The following TSPAN14 variants were observed in gnomAD, a reference collection of about 807,000 sequenced individuals.
TSPAN14 encodes tetraspanin-14.
In TSPAN14, 16 loss-of-function variants were observed where a neutral mutation model predicts 36.6. That is an observed-to-expected ratio of 0.44 (90% CI 0.30 to 0.66). TSPAN14 has a LOEUF of 0.66. TSPAN14 is among the 30% of genes least tolerant of loss of function. TSPAN14 has a pLI of 0.12. For synonymous variants in TSPAN14, 139 were observed against 143.8 expected, an observed-to-expected ratio of 0.97 and a Z score of 0.24; for missense variants, 231 against 355.1, an observed-to-expected ratio of 0.65 and a Z score of 2.81.
chr10:80,460,163 A>T (rs900514432), intron 1 of TSPAN14, among the ~76,000 whole-genome samples: 6 of 152,176 alleles, frequency 3.9e-5, no homozygotes, highest in Non-Finnish European at 8.8e-5. Flanking sequence ...CTCCAAATAC[A>T]ACAAAGAAAA....
intron 1 of TSPAN14, among the ~76,000 whole-genome samples, chr10:80,468,225 C>T (rs1017908199): frequency 2.0e-5 from 3 of 152,284 alleles, no homozygotes; most frequent in Admixed American, 6.5e-5. Context: ...GCCTGTTGCC[C>T]GTCTGACTTC....
At chr10:80,457,659 A>G (rs1845792918) in intron 1 of TSPAN14, among the ~76,000 whole-genome samples, 1 of 152,200 alleles carries the variant, frequency 6.6e-6, no homozygotes, top group Non-Finnish European at 1.5e-5. Context: ...GCCTGGGCAC[A>G]TAGCAGGTAC....
At chr10:80,508,240 C>T (rs965295740) in intron 4 of TSPAN14, among the ~76,000 whole-genome samples, 4 of 151,802 alleles carry the variant, frequency 2.6e-5, no homozygotes, top group Admixed American at 1.3e-4. Context: ...CTCAGCCTCC[C>T]GAGTAGCTGG....
At chr10:80,521,767 C>CAAA (rs957265527) in exon 9 of TSPAN14, 3 of 151,902 alleles carry the variant, frequency 2.0e-5, no homozygotes, top group African/African-American at 7.3e-5. Flanking sequence ...ACTAAAAATA[C>CAAA]AAAAAAATTA....
At chr10:80,468,659 G>C (rs566639424) in intron 1 of TSPAN14, 3 of 152,072 alleles carry the variant, frequency 2.0e-5, no homozygotes, top group African/African-American at 7.2e-5. Flanking sequence ...ATCCAGATCA[G>C]CTGAATCAGA....
chr10:80,521,039 C>G (rs1841244109), exon 9 of TSPAN14: 2 of 327,440 alleles, frequency 6.1e-6, no homozygotes. Flanking sequence ...CTGGGTTTCC[C>G]CATGAATAAC....
At chr10:80,465,724 C>G (rs183481730) in intron 1 of TSPAN14, among the ~76,000 whole-genome samples, 1 of 152,210 alleles carries the variant, frequency 6.6e-6, no homozygotes, top group Non-Finnish European at 1.5e-5. Context: ...AAGCCACTCT[C>G]AGGCACAAAG....
chr10:80,495,639 G>A (rs1848160818), intron 2 of TSPAN14, among the ~76,000 whole-genome samples: 1 of 152,192 alleles, frequency 6.6e-6, no homozygotes, highest in African/African-American at 2.4e-5. Context: ...CAAGTCTTAA[G>A]TAGTTTGGTG....
In TSPAN14 at chr10:80,506,605, G is replaced by A. The variant is rs570213922; in HGVS notation, c.133-623G>A. ...CCTATGGAACTGCTCTGCCCATTGT[G>A]TGACTGTGTTTATATTTAAATTGAA... On this transcript the variant is annotated intron_variant, in intron 3 of 8. Coordinates refer to ENST00000429989, the Ensembl canonical transcript of TSPAN14. Among the ~76,000 whole-genome samples, 6 of 152,310 alleles carry A rather than the reference G, an allele frequency of 3.9e-5. No homozygotes were observed. The East Asian group carries it at 9.6e-4, about 24-fold the overall frequency.
chr10:80,468,095 A>G (rs555939435), intron 1 of TSPAN14, among the ~76,000 whole-genome samples: 26 of 152,250 alleles, frequency 1.7e-4, no homozygotes, highest in Middle Eastern at 3.4e-3. Context: ...AGGAGACAAA[A>G]TGTTCTTTTC....
intron 8 of TSPAN14, 108 bp from the exon 9 acceptor site, chr10:80,517,797 G>T (rs765000519): frequency 1.9e-5 from 20 of 1,052,788 alleles, no homozygotes; most frequent in Non-Finnish European, 2.3e-5. Context: ...TCGCAGCTGG[G>T]GGGTGAGGAG....
chr10:80,491,640 C>T (rs987320763), intron 2 of TSPAN14, among the ~76,000 whole-genome samples: 6 of 152,180 alleles, frequency 3.9e-5, no homozygotes, highest in African/African-American at 1.4e-4. Flanking sequence ...CCCAGTAACA[C>T]GTTTGCAGCA....
chr10:80,499,266 A>G (rs1170680024), intron 2 of TSPAN14, among the ~76,000 whole-genome samples: 1 of 152,148 alleles, frequency 6.6e-6, no homozygotes, highest in Non-Finnish European at 1.5e-5. Context: ...TCGTGTGGTA[A>G]GTGGATTTCT....
intron 1 of TSPAN14, among the ~76,000 whole-genome samples, chr10:80,473,337 G>T (rs1206706786): frequency 6.6e-6 from 1 of 152,196 alleles, no homozygotes; most frequent in African/African-American, 2.4e-5. Flanking sequence ...TGGGTTGTGA[G>T]TTTTTGGTGG....
At chr10:80,459,671 G>C (rs1232425929) in intron 1 of TSPAN14, among the ~76,000 whole-genome samples, 1 of 152,194 alleles carries the variant, frequency 6.6e-6, no homozygotes, top group East Asian at 1.9e-4. Context: ...AGTCCCAGCT[G>C]TTGGGCCTGT....
chr10:80,502,055 G>A (rs1848552006), intron 2 of TSPAN14, among the ~76,000 whole-genome samples: 1 of 152,244 alleles, frequency 6.6e-6, no homozygotes, highest in South Asian at 2.1e-4. Flanking sequence ...ATGGGGAGCA[G>A]TTCCACTCAG....
At chr10:80,501,158 C>T (rs762460786) in intron 2 of TSPAN14, among the ~76,000 whole-genome samples, 5 of 151,602 alleles carry the variant, frequency 3.3e-5, no homozygotes, top group Admixed American at 1.3e-4. Flanking sequence ...CTGTTACCAC[C>T]CAGGCTGGAG....
At chr10:80,521,390 T>G (rs1841258343) in exon 9 of TSPAN14, 1 of 155,704 alleles carries the variant, frequency 6.4e-6, no homozygotes, top group Non-Finnish European at 1.4e-5. Context: ...GCTGTACTGG[T>G]AGGGGGTGGG....
exon 9 of TSPAN14, chr10:80,518,145 C>G (rs187249796): frequency 1.4e-6 from 1 of 705,624 alleles, no homozygotes; most frequent in Non-Finnish European, 2.4e-6. Context: ...TGCTGAAGAC[C>G]AAGGGTCCCC....
Sources: allele counts gnomAD v4.1 joint callset (sites outside exome capture counted in the v4.1 genomes callset), GRCh38; gene constraint gnomAD v4.1.1; transcripts MANE v1.5; gene names NCBI Gene and HGNC (gene_info 2026-07-23, HGNC 2026-07-21).